The following SYT16 variants were observed in gnomAD, a reference collection of about 807,000 sequenced individuals.
SYT16 encodes synaptotagmin-16.
A neutral mutation model predicts 61.4 loss-of-function variants in SYT16; 42 were observed. That is an observed-to-expected ratio of 0.68 (90% confidence interval 0.53 to 0.89). The LOEUF (loss-of-function observed/expected upper bound fraction) is 0.89. Ranked by LOEUF, SYT16 falls within the 40% of genes least tolerant of loss-of-function variation. The pLI, the probability that SYT16 is intolerant of heterozygous loss-of-function variation, is 0.00. For missense variants in SYT16, 804 were observed against 807.3 expected, an observed-to-expected ratio of 1.00 and a Z score of 0.05; for synonymous variants, 314 against 302.3, an observed-to-expected ratio of 1.04 and a Z score of -0.40.
chr14:62,018,996 G>A (rs2140748124), intron 3 of SYT16, among the ~76,000 whole-genome samples: 1 of 152,252 alleles, frequency 6.6e-6, no homozygotes, highest in East Asian at 1.9e-4. Flanking sequence ...TAAAAAATTT[G>A]GTGTACTCTG....
chr14:62,063,389 C>T (rs930662124), intron 3 of SYT16, among the ~76,000 whole-genome samples: 1 of 152,168 alleles, frequency 6.6e-6, no homozygotes, highest in Non-Finnish European at 1.5e-5. Flanking sequence ...AAAAAGTATA[C>T]CATATGCCAG....
intron 3 of SYT16, among the ~76,000 whole-genome samples, chr14:62,020,759 G>A (rs566877075): frequency 2.0e-5 from 3 of 152,248 alleles, no homozygotes; most frequent in East Asian, 1.9e-4. Flanking sequence ...ATTTCTAAGC[G>A]AGCATAACCA....
chr14:62,099,814 G>A lies in SYT16; in HGVS notation c.1625-580G>A, dbSNP rs61993259. On this transcript the variant is annotated intron_variant, in intron 7 of 7. Coordinates refer to ENST00000683842, the MANE Select transcript of SYT16 (RefSeq NM_001367656.1). ...GATCGCTTTGGGCCCAGAAGTCAAG[G>A]CTTTAGTGAGCTGTGATCATGCCAC... Among the ~76,000 whole-genome samples the A allele has an allele frequency of 4.4e-3, 673 of 152,250 alleles. 5 individuals carry two copies. Among genetic ancestry groups the A allele is most frequent in the Non-Finnish European group, 7.5e-3 (507 of 68,018 alleles).
chr14:61,861,843 A>G (rs2046973953), intron 1 of SYT16, among the ~76,000 whole-genome samples: 1 of 152,236 alleles, frequency 6.6e-6, no homozygotes, highest in Non-Finnish European at 1.5e-5. Flanking sequence ...AGTTACGTTT[A>G]CACCATGCTA....
chr14:61,919,131 G>A (rs2049233293), intron 1 of SYT16, among the ~76,000 whole-genome samples: 1 of 152,120 alleles, frequency 6.6e-6, no homozygotes, highest in African/African-American at 2.4e-5. Flanking sequence ...CAATACATGT[G>A]TTCCATTATT....
At chr14:61,817,307 A>G (rs2045472811) in intron 1 of SYT16, among the ~76,000 whole-genome samples, 2 of 151,746 alleles carry the variant, frequency 1.3e-5, no homozygotes, top group African/African-American at 2.4e-5. Flanking sequence ...AATCCCAGCT[A>G]CTTGGGAGGC....
intron 3 of SYT16, among the ~76,000 whole-genome samples, chr14:62,052,539 C>T (rs1439677290): frequency 1.3e-5 from 2 of 152,166 alleles, no homozygotes; most frequent in African/African-American, 4.8e-5. Context: ...TCCATCCTTC[C>T]TTAAGCTAGT....
chr14:62,084,185 T>C lies in SYT16; in HGVS notation c.1435-11T>C. On this transcript the variant is annotated splice_polypyrimidine_tract_variant and intron_variant, in intron 6 of 7. Transcript: ENST00000683842. ...TGGGCCAATGGATTCTTTGTTGTTC[T>C]TCCCCTCCAGAGTGGAGGGTCTCCG... The C allele has an allele frequency of 6.2e-7, 1 of 1,610,292 alleles. No individual in the cohort carries two copies. The highest frequency in any genetic ancestry group is 1.7e-5 in the Admixed American group (1 of 58,860).
At chr14:61,937,963 T>TGAG (rs1387746708) in intron 1 of SYT16, among the ~76,000 whole-genome samples, 2 of 151,014 alleles carry the variant, frequency 1.3e-5, no homozygotes, top group Non-Finnish European at 2.9e-5. Flanking sequence ...TACAGTCCAT[T>TGAG]GAGGAATACC....
intron 1 of SYT16, among the ~76,000 whole-genome samples, chr14:61,857,994 C>T (rs112292490): frequency 1.3e-5 from 2 of 151,838 alleles, no homozygotes; most frequent in African/African-American, 4.8e-5. Flanking sequence ...ATCATACATT[C>T]ACAAGACATT....
intron 3 of SYT16, among the ~76,000 whole-genome samples, chr14:62,002,852 C>A (rs2053075681): frequency 6.6e-6 from 1 of 152,112 alleles, no homozygotes; most frequent in African/African-American, 2.4e-5. Context: ...TTCCACAGGG[C>A]TGGAGAGGCC....
chr14:61,841,328 A>G (rs918409161), intron 1 of SYT16, among the ~76,000 whole-genome samples: 3 of 152,258 alleles, frequency 2.0e-5, no homozygotes, highest in Non-Finnish European at 4.4e-5. Flanking sequence ...TTCATGTCAC[A>G]GAAAATGCTT....
At chr14:61,847,369 A>G (rs763121753) in intron 1 of SYT16, among the ~76,000 whole-genome samples, 1 of 152,154 alleles carries the variant, frequency 6.6e-6, no homozygotes, top group African/African-American at 2.4e-5. Flanking sequence ...TAAATATGTC[A>G]TGCCATTCTC....
At chr14:62,095,510 C>G (rs2057242843) in intron 7 of SYT16, among the ~76,000 whole-genome samples, 1 of 151,592 alleles carries the variant, frequency 6.6e-6, no homozygotes, top group Non-Finnish European at 1.5e-5. Flanking sequence ...AACAAAATAT[C>G]TACGATACCA....
At chr14:61,994,314 T>G (rs1158644716) in intron 2 of SYT16, among the ~76,000 whole-genome samples, 1 of 152,144 alleles carries the variant, frequency 6.6e-6, no homozygotes, top group Non-Finnish European at 1.5e-5. Context: ...TTTCTCAAAC[T>G]TCCGTGGGTG....
intron 3 of SYT16, among the ~76,000 whole-genome samples, chr14:62,047,657 C>G (rs187412401): frequency 8.1e-6 from 1 of 123,414 alleles, no homozygotes; most frequent in African/African-American, 5.2e-5. Context: ...CCATCAATAA[C>G]TAATTTATTG....
chr14:62,006,742 C>T (rs1388927861), intron 3 of SYT16, among the ~76,000 whole-genome samples: 1 of 152,108 alleles, frequency 6.6e-6, no homozygotes, highest in Non-Finnish European at 1.5e-5. Flanking sequence ...AGCTATGACA[C>T]CTTTGATATG....
At chr14:61,819,411 A>G (rs1228474342) in intron 1 of SYT16, among the ~76,000 whole-genome samples, 1 of 152,236 alleles carries the variant, frequency 6.6e-6, no homozygotes, top group African/African-American at 2.4e-5. Flanking sequence ...CACAGCTGTC[A>G]TCCTTCCATT....
intron 3 of SYT16, among the ~76,000 whole-genome samples, chr14:62,039,359 G>T (rs912729987): frequency 1.3e-5 from 2 of 152,066 alleles, no homozygotes; most frequent in African/African-American, 4.8e-5. Context: ...GATATTTGGG[G>T]CTATGATATT....
Sources: allele counts gnomAD v4.1 joint callset (sites outside exome capture counted in the v4.1 genomes callset), GRCh38; gene constraint gnomAD v4.1.1; transcripts MANE v1.5; gene names NCBI Gene and HGNC (gene_info 2026-07-23, HGNC 2026-07-21).